DSC2: variants seen among roughly 807,000 people sequenced by gnomAD.
DSC2 encodes desmocollin 2, also known as desmocollin-2.
A neutral mutation model predicts 87.6 loss-of-function variants in DSC2; 51 were observed. That is an observed-to-expected ratio of 0.58 (90% CI 0.46 to 0.74). DSC2 has a LOEUF of 0.74. Ranked by LOEUF, DSC2 falls within the 30% of genes least tolerant of loss-of-function variation. The pLI is 0.00. For missense variants in DSC2, 1,066 were observed against 1,089.5 expected (o/e 0.98, Z 0.30); for synonymous variants, 383 against 393.2 (o/e 0.97, Z 0.31).
At chr18:31,091,935 T>C (rs112652187) in intron 3 of DSC2, among the ~76,000 whole-genome samples, 166 bp downstream of exon 3, 5 of 152,178 alleles carry the variant, frequency 3.3e-5, no homozygotes, top group South Asian at 2.1e-4. Context: ...GAATGAACCA[T>C]GTGACACAGC....
intron 3 of DSC2, 121 bp from the exon 4 acceptor site, chr18:31,091,268 G>A: frequency 7.9e-7 from 1 of 1,270,898 alleles, no homozygotes. Context: ...GACCATGGGA[G>A]TGCTTGAAAA....
At chr18:31,071,568 G>T (rs558739589) in intron 13 of DSC2, 37 bp downstream of exon 13, 1 of 1,573,358 alleles carries the variant, frequency 6.4e-7, no homozygotes, top group East Asian at 2.2e-5. Context: ...TACTTTAAAG[G>T]GTATTATTTG....
Position 31,102,106 on chromosome 18 carries a change from C to G in DSC2, c.-135G>C, listed in dbSNP as rs934848981. On this transcript the variant is annotated 5_prime_UTR_variant, in exon 1 of 16. Transcript: ENST00000280904. The stretch of plus-strand genomic sequence containing the variant: ...CGCGAGGCGGAGGAGGTGGGGCGCG[C>G]GGAGAGGTGCTTTTCTTAGCTTCTC... The G allele has an allele frequency of 2.2e-5, 15 of 694,022 alleles. No individual in the cohort carries two copies. Among genetic ancestry groups the G allele is most frequent in the Non-Finnish European group, 3.2e-5 (15 of 462,092 alleles). The allele number at this position is 694,022 out of a possible 1,614,324, so 43.0% of individuals were successfully genotyped here. A position where few individuals can be genotyped will look rare whatever the true frequency, so the allele number is the denominator to read the frequency against.
In DSC2 at chr18:31,080,446, A is replaced by G; in HGVS notation, c.1264-94T>C. On this transcript the variant is annotated intron_variant, in intron 9 of 15. Transcript: ENST00000280904. ...ATAATGTTAAATTTGGAAATATGTTAAGTGTCATGTTGGGAATAACCACGA... is the reference window on the plus strand; with the variant it reads ...ATAATGTTAAATTTGGAAATATGTTGAGTGTCATGTTGGGAATAACCACGA... The G allele has an allele frequency of 2.1e-6, 3 of 1,451,868 alleles. No individual in the cohort carries two copies. The South Asian group carries it at 3.7e-5, about 18-fold the overall frequency. The allele number at this position is 1,451,868 out of a possible 1,614,324, so 89.9% of individuals were successfully genotyped here.
chr18:31,070,678 A>G, intron 14 of DSC2, 48 bp downstream of exon 14: 1 of 1,610,834 alleles, frequency 6.2e-7, no homozygotes. Flanking sequence ...AATACGCATT[A>G]TAAGCGAATT....
Position 31,066,080 on chromosome 18 carries a change from C to T in DSC2, c.*1935G>A, listed in dbSNP as rs1986609188. On this transcript the variant is annotated 3_prime_UTR_variant, in exon 16 of 16. Coordinates refer to ENST00000280904, the MANE Select transcript of DSC2 (RefSeq NM_024422.6). ...TTTTATTCAAGTGACTTACAATGGC[C>T]CTAGGAAACAAGTTCTGTTATTATC... The T allele has an allele frequency of 6.6e-6, 1 of 151,984 alleles. No homozygotes were observed. The highest frequency in any genetic ancestry group is 2.4e-5 in the African/African-American group (1 of 41,378). 9.4% of individuals were successfully genotyped at this position (151,984 alleles called of 1,614,324 possible). A position where few individuals can be genotyped will look rare whatever the true frequency, so the allele number is the denominator to read the frequency against.
intron 11 of DSC2, among the ~76,000 whole-genome samples, chr18:31,078,247 T>C (rs1987085980): frequency 6.6e-6 from 1 of 152,230 alleles, no homozygotes; most frequent in African/African-American, 2.4e-5. Flanking sequence ...TCTCATTTCA[T>C]TCAATTCACA....
intron 1 of DSC2, among the ~76,000 whole-genome samples, chr18:31,101,401 T>C (rs1400137806): frequency 6.6e-6 from 1 of 151,346 alleles, no homozygotes; most frequent in Non-Finnish European, 1.5e-5. Context: ...TTCCGTGGCC[T>C]GGGCAGGCGC....
chr18:31,079,892 T>TCCA lies in DSC2; in HGVS notation c.1617_1618insTGG (p.Thr539_Ile540insTrp). 1.2e-6 allele frequency: 2 copies of TCCA among 1,614,032 alleles called. No individual in the cohort carries two copies. Among genetic ancestry groups the TCCA allele is most frequent in the Non-Finnish European group, 8.5e-7 (1 of 1,179,962 alleles). On this transcript the variant is annotated inframe_insertion, in exon 11 of 16. Coordinates refer to ENST00000280904, the MANE Select transcript of DSC2 (RefSeq NM_024422.6). ...GTAATATTATATATGCCATTTTTGATGGTCTCTGCCTCTCTATCCAGGCTT... is the reference window on the plus strand; with the variant it reads ...GTAATATTATATATGCCATTTTTGATCCAGGTCTCTGCCTCTCTATCCAGGCTT...
intron 14 of DSC2, among the ~76,000 whole-genome samples, chr18:31,070,239 T>G (rs1986778081): frequency 6.6e-6 from 1 of 152,226 alleles, no homozygotes; most frequent in Non-Finnish European, 1.5e-5. Flanking sequence ...AAATGACCAC[T>G]TGCTAGCATT....
intron 12 of DSC2, among the ~76,000 whole-genome samples, chr18:31,072,676 T>C (rs983459825): frequency 6.6e-6 from 1 of 152,216 alleles, no homozygotes. Flanking sequence ...ATCTTGGTTT[T>C]GGAGACTAGA....
rs1400346935 is a variant in DSC2 at position 31,091,019 on chromosome 18, A to G, written c.474+9T>C. 3.7e-6 allele frequency: 6 copies of G among 1,613,876 alleles called. No homozygotes were observed. Among genetic ancestry groups the G allele is most frequent in the Non-Finnish European group, 5.1e-6 (6 of 1,179,902 alleles). ...TAGACTCCCACAGCAGAAAGAAAGAAAACGGTACCTGTTGAAGGAAAAGTG... is the reference window on the plus strand; with the variant it reads ...TAGACTCCCACAGCAGAAAGAAAGAGAACGGTACCTGTTGAAGGAAAAGTG... On this transcript the variant is annotated intron_variant, in intron 4 of 15. Coordinates refer to ENST00000280904, the MANE Select transcript of DSC2 (RefSeq NM_024422.6).
intron 1 of DSC2, among the ~76,000 whole-genome samples, chr18:31,096,464 T>C (rs886766425): frequency 2.0e-5 from 3 of 152,132 alleles, no homozygotes; most frequent in Non-Finnish European, 4.4e-5. Flanking sequence ...CGCTCCACAT[T>C]AATCTGGGAC....
At chr18:31,076,242 C>T (rs1439078853) in intron 11 of DSC2, among the ~76,000 whole-genome samples, 1 of 152,096 alleles carries the variant, frequency 6.6e-6, no homozygotes, top group Non-Finnish European at 1.5e-5. Context: ...ATAGAGCCAG[C>T]GTCATCATGG....
In DSC2 at chr18:31,068,124, G is replaced by C. The variant is rs760363798; in HGVS notation, c.2597C>G (p.Ala866Gly). Residue 866 changes from alanine to glycine, a missense_variant, in exon 16 of 16, where the codon GCT (alanine) becomes GGT (glycine). Ala to Gly is a moderately conservative substitution (Grantham distance 60). Coordinates refer to ENST00000280904, the MANE Select transcript of DSC2 (RefSeq NM_024422.6). ...TYNYEGRGSVAGSVGCCSERQ... is the reference protein window; with the variant it reads ...TYNYEGRGSVGGSVGCCSERQ... The stretch of plus-strand genomic sequence containing the variant: ...TTCACTGCAACAACCTACAGACCCA[G>C]CCACCGATCCTCTTCCTTCATAGTT... The C allele has an allele frequency of 1.2e-6, 2 of 1,613,838 alleles. No individual in the cohort carries two copies. The highest frequency in any genetic ancestry group is 1.7e-6 in the Non-Finnish European group (2 of 1,179,990).
At chr18:31,073,362 T>C (rs1392600750) in intron 12 of DSC2, among the ~76,000 whole-genome samples, 6 of 112,098 alleles carry the variant, frequency 5.4e-5, no homozygotes, top group Non-Finnish European at 1.1e-4. Context: ...ATAACCCCGA[T>C]ACACACACAC....
At chr18:31,097,261 C>A (rs1468430277) in intron 1 of DSC2, among the ~76,000 whole-genome samples, 1 of 149,812 alleles carries the variant, frequency 6.7e-6, no homozygotes, top group Non-Finnish European at 1.5e-5. Flanking sequence ...GCACTCCAGC[C>A]TGGGCGACAG....
At chr18:31,070,602 A>G (rs1986789701) in intron 14 of DSC2, 124 bp downstream of exon 14, 14 of 1,319,934 alleles carry the variant, frequency 1.1e-5, no homozygotes, top group Non-Finnish European at 1.5e-5. Context: ...CAGGGGACCC[A>G]TGACATTCTA....
rs376355669 is a variant in DSC2 at position 31,070,826 on chromosome 18, C to T, written c.2150G>A (p.Gly717Glu). 1.9e-6 allele frequency: 3 copies of T among 1,613,634 alleles called. No individual in the cohort carries two copies. Among genetic ancestry groups the T allele is most frequent in the African/African-American group, 1.3e-5 (1 of 74,844 alleles). Residue 717 changes from glycine (G) to glutamate (E), a missense_variant, in exon 14 of 16, where the codon GGG becomes GAG. Coordinates refer to ENST00000280904, the MANE Select transcript of DSC2 (RefSeq NM_024422.6). ...LFCILFTLVC[G>E]ASGTSKQPKV... ...TGGTTGTTTAGACGTCCCAGAAGCC[C>T]CACAGACCAGCGTAAACAGGATGCC...
Sources: allele counts gnomAD v4.1 joint callset (sites outside exome capture counted in the v4.1 genomes callset), GRCh38; gene constraint gnomAD v4.1.1; transcripts MANE v1.5; gene names NCBI Gene and HGNC (gene_info 2026-07-23, HGNC 2026-07-21).